CLVS1: variants seen among roughly 807,000 people sequenced by gnomAD.
CLVS1 encodes the protein clavesin 1.
In CLVS1, 10 loss-of-function variants were observed where a neutral mutation model predicts 33.1. The ratio of observed to expected loss-of-function variants is 0.30; its 90% CI spans 0.19 to 0.51. CLVS1 has a LOEUF of 0.51. Ranked by LOEUF, CLVS1 falls within the 20% of genes least tolerant of loss-of-function variation. The pLI is 0.97. For synonymous variants in CLVS1, 163 were observed against 166.1 expected (o/e 0.98, Z 0.14); for missense variants, 343 against 433.4 (o/e 0.79, Z 1.85).
chr8:61,047,270 A>C, the CLVS1 span, among the ~76,000 whole-genome samples: 4 of 152,210 alleles, frequency 2.6e-5, no homozygotes, highest in South Asian at 2.1e-4. Flanking sequence ...CCATCTCACA[A>C]CAGTTAGAAT....
intron 1 of CLVS1, among the ~76,000 whole-genome samples, chr8:61,083,581 A>G (rs913877571): frequency 2.0e-5 from 3 of 152,172 alleles, no homozygotes; most frequent in African/African-American, 7.2e-5. Context: ...CCTTAGGGAG[A>G]TTCAAGTGCA....
At chr8:61,214,496 C>T (rs540852536) in intron 2 of CLVS1, among the ~76,000 whole-genome samples, 113 of 152,118 alleles carry the variant, frequency 7.4e-4, no homozygotes, top group Non-Finnish European at 1.2e-3. Context: ...GCAGGTTCCC[C>T]AATAGACATA....
the CLVS1 span, among the ~76,000 whole-genome samples, chr8:60,982,318 C>T: frequency 2.6e-5 from 4 of 152,202 alleles, no homozygotes; most frequent in Admixed American, 2.0e-4. Flanking sequence ...TGGTGTGGTA[C>T]GTGGGTTATT....
chr8:61,426,949 GAC>G (rs1210221043), intron 3 of CLVS1, among the ~76,000 whole-genome samples: 1 of 152,272 alleles, frequency 6.6e-6, no homozygotes, highest in East Asian at 1.9e-4. Flanking sequence ...TAGCTAAAAA[GAC>G]AGCACACATA....
intron 5 of CLVS1, among the ~76,000 whole-genome samples, chr8:61,488,128 A>G (rs1803946314): frequency 6.6e-6 from 1 of 152,232 alleles, no homozygotes; most frequent in Admixed American, 6.5e-5. Context: ...AAAAGCTTCC[A>G]GAAATATCCA....
the CLVS1 span, among the ~76,000 whole-genome samples, chr8:61,043,063 A>G: frequency 4.6e-5 from 7 of 152,292 alleles, no homozygotes; most frequent in Admixed American, 2.0e-4. Flanking sequence ...CACCATCATC[A>G]TGTCCCTGTT....
intron 2 of CLVS1, among the ~76,000 whole-genome samples, chr8:61,241,649 C>T (rs1474280281): frequency 6.6e-6 from 1 of 152,202 alleles, no homozygotes; most frequent in African/African-American, 2.4e-5. Flanking sequence ...CATCCACATA[C>T]ATTGGGAACC....
chr8:61,062,814 C>A (rs1386842693), intron 1 of CLVS1, among the ~76,000 whole-genome samples: 1 of 152,198 alleles, frequency 6.6e-6, no homozygotes, highest in Admixed American at 6.5e-5. Flanking sequence ...TTAGGTTATT[C>A]ATTCTTCTTA....
chr8:61,064,076 A>C (rs893821749), intron 1 of CLVS1, among the ~76,000 whole-genome samples: 1 of 152,240 alleles, frequency 6.6e-6, no homozygotes, highest in Admixed American at 6.5e-5. Context: ...TTTAAGGTGC[A>C]TGATATTCTA....
intron 2 of CLVS1, chr8:61,300,850 C>G (rs995309112): frequency 2.6e-5 from 4 of 152,368 alleles, no homozygotes; most frequent in African/African-American, 9.6e-5. Context: ...TCTCTCAAGC[C>G]AGAAATCCAG....
At chr8:61,226,917 T>A (rs933819969) in intron 2 of CLVS1, among the ~76,000 whole-genome samples, 7 of 152,054 alleles carry the variant, frequency 4.6e-5, no homozygotes, top group African/African-American at 1.7e-4. Flanking sequence ...GAATAAGAGT[T>A]CCTTTCTGAT....
At chr8:61,137,071 C>A (rs769105925) in intron 2 of CLVS1, among the ~76,000 whole-genome samples, 1 of 152,084 alleles carries the variant, frequency 6.6e-6, no homozygotes, top group South Asian at 2.1e-4. Flanking sequence ...TGAAGCTCTT[C>A]GATAATGGAT....
At chr8:61,047,866 A>G in the CLVS1 span, among the ~76,000 whole-genome samples, 2 of 152,176 alleles carry the variant, frequency 1.3e-5, no homozygotes, top group African/African-American at 4.8e-5. Flanking sequence ...TGGGTGCAGC[A>G]CACCAGCATG....
intron 2 of CLVS1, among the ~76,000 whole-genome samples, chr8:61,196,384 G>C (rs755237463): frequency 3.9e-5 from 6 of 152,138 alleles, no homozygotes; most frequent in Non-Finnish European, 5.9e-5. Flanking sequence ...ATAAAATGCT[G>C]GTTGAGATCA....
chr8:61,342,248 C>T (rs1348620249), intron 2 of CLVS1, among the ~76,000 whole-genome samples: 1 of 152,158 alleles, frequency 6.6e-6, no homozygotes, highest in South Asian at 2.1e-4. Context: ...CCAACCAGAG[C>T]CGGCTTAGGC....
At chr8:61,028,822 G>C in the CLVS1 span, among the ~76,000 whole-genome samples, 3 of 152,246 alleles carry the variant, frequency 2.0e-5, no homozygotes, top group African/African-American at 7.2e-5. Flanking sequence ...GGAGCACAGA[G>C]AGCCAACTCC....
At chr8:61,181,704 T>TTTTTC (rs1807236119) in intron 2 of CLVS1, among the ~76,000 whole-genome samples, 1 of 134,952 alleles carries the variant, frequency 7.4e-6, no homozygotes, top group Non-Finnish European at 1.6e-5. Context: ...GATCTTTTTT[T>TTTTTC]TTTTTTTTTT....
At chr8:61,340,657 A>G (rs1489811387) in intron 2 of CLVS1, among the ~76,000 whole-genome samples, 1 of 152,210 alleles carries the variant, frequency 6.6e-6, no homozygotes, top group Non-Finnish European at 1.5e-5. Flanking sequence ...GAATGCAGAT[A>G]CCATTTCAAC....
chr8:61,054,997 G>C (rs1585574519), upstream of CLVS1, among the ~76,000 whole-genome samples: 1 of 152,104 alleles, frequency 6.6e-6, no homozygotes, highest in African/African-American at 2.4e-5. Context: ...TTTGTTGTTG[G>C]AGAAGACATA....
Sources: allele counts gnomAD v4.1 joint callset (sites outside exome capture counted in the v4.1 genomes callset), GRCh38; gene constraint gnomAD v4.1.1; transcripts MANE v1.5; gene names NCBI Gene and HGNC (gene_info 2026-07-23, HGNC 2026-07-21).